The following GTF3C1 variants were observed in gnomAD, a reference collection of about 807,000 sequenced individuals.
GTF3C1 encodes the protein general transcription factor 3C polypeptide 1.
Under a neutral mutation model 226.7 loss-of-function variants are expected in GTF3C1, and 57 were observed. The ratio of observed to expected loss-of-function variants is 0.25; its 90% CI spans 0.20 to 0.31. The LOEUF is 0.31. Ranked by LOEUF, GTF3C1 falls within the 10% of genes least tolerant of loss-of-function variation. GTF3C1 has a pLI of 1.00. For missense variants in GTF3C1, 2,217 were observed against 2,776.1 expected, an observed-to-expected ratio of 0.80 and a Z score of 4.53; for synonymous variants, 1,090 against 1,084.8, an observed-to-expected ratio of 1.00 and a Z score of -0.09.
intron 1 of GTF3C1, 95 bp from the exon 2 acceptor site, chr16:27,545,618 A>G: frequency 1.4e-6 from 1 of 717,264 alleles, no homozygotes; most frequent in East Asian, 2.7e-5. Flanking sequence ...CAGAGATCAG[A>G]GAGAAGTGAG....
At chr16:27,518,081 C>T (rs1250765605) in intron 6 of GTF3C1, among the ~76,000 whole-genome samples, 1 of 152,164 alleles carries the variant, frequency 6.6e-6, no homozygotes, top group African/African-American at 2.4e-5. Context: ...AAACGAACCC[C>T]ACGGCAGCTT....
At position 27,549,797 on chromosome 16, in the gene GTF3C1, C is replaced by A. The variant is rs772790755; in HGVS notation, c.94G>T (p.Val32Leu). Residue 32 changes from valine (V) to leucine (L), a missense_variant, in exon 1 of 37, where the codon GTG becomes TTG. By Grantham distance (32) the Val-to-Leu change is conservative. Coordinates refer to ENST00000356183, the MANE Select transcript of GTF3C1 (RefSeq NM_001520.4). ...PALWSRLETRVPPFPLPLEPC... is the reference protein window; with the variant it reads ...PALWSRLETRLPPFPLPLEPC... The stretch of plus-strand genomic sequence containing the variant: ...TCCAAAGGCAGCGGGAAGGGCGGCA[C>A]TCGCGTCTCCAGCCGGCTCCACAGC... 1 of 1,612,992 alleles carries A rather than the reference C, an allele frequency of 6.2e-7. No homozygotes were observed. Among genetic ancestry groups the A allele is most frequent in the Non-Finnish European group, 8.5e-7 (1 of 1,179,850 alleles).
chr16:27,521,201 C>T (rs1441400645), intron 6 of GTF3C1, among the ~76,000 whole-genome samples: 1 of 152,224 alleles, frequency 6.6e-6, no homozygotes, highest in Non-Finnish European at 1.5e-5. Flanking sequence ...GCTGCCAGGC[C>T]CTCACCCTGT....
chr16:27,490,601 A>AC (rs1189758222), intron 19 of GTF3C1, among the ~76,000 whole-genome samples: 1 of 152,198 alleles, frequency 6.6e-6, no homozygotes, highest in Non-Finnish European at 1.5e-5. Context: ...GCCCAAGGTC[A>AC]CCCGTTTGAA....
At chr16:27,468,268 T>C (rs1452628342) in intron 32 of GTF3C1, among the ~76,000 whole-genome samples, 1 of 152,246 alleles carries the variant, frequency 6.6e-6, no homozygotes, top group Admixed American at 6.5e-5. Flanking sequence ...ACATAGAATC[T>C]ACTCCTGGTA....
intron 1 of GTF3C1, among the ~76,000 whole-genome samples, chr16:27,548,001 C>G (rs1362433875): frequency 6.6e-6 from 1 of 152,148 alleles, no homozygotes; most frequent in African/African-American, 2.4e-5. Context: ...TCTTCCCTTG[C>G]TAGTTGACTT....
rs1371566234 is a variant in GTF3C1, at chr16:27,483,037, G to A, written c.4083+7C>T. 2 of 1,613,482 alleles carry A rather than the reference G, an allele frequency of 1.2e-6. No homozygotes were observed. Among genetic ancestry groups the A allele is most frequent in the South Asian group, 1.1e-5 (1 of 91,018 alleles). ...CATACCAAGCCCTACACTCACACAG[G>A]ACCTACCTTTGGGTCATCATAGTCA... On this transcript the variant is annotated splice_region_variant and intron_variant, in intron 26 of 36. Transcript: ENST00000356183.
rs2088357128 is a variant in GTF3C1, at chr16:27,498,647, A to G, written c.2148T>C (p.Asn716=). The part of the protein sequence containing the change: ...AIEQVRFRIS[N]SSTANRVKTS... ...CCACTTGCCTGTTGGCTGTGCTTGA[A>G]TTGGAGATCCGGAAGCGGACCTGCT... is the stretch of plus-strand genomic sequence containing the variant. Residue 716 remains asparagine, a synonymous_variant, in exon 13 of 37, where the codon AAT becomes AAC. Coordinates refer to ENST00000356183, the MANE Select transcript of GTF3C1 (RefSeq NM_001520.4). The G allele has an allele frequency of 1.9e-6, 3 of 1,588,976 alleles. No homozygotes were observed. Among genetic ancestry groups the G allele is most frequent in the Admixed American group, 3.3e-5 (2 of 59,984 alleles).
At chr16:27,527,718 G>C (rs1276905956) in intron 6 of GTF3C1, among the ~76,000 whole-genome samples, 1 of 152,138 alleles carries the variant, frequency 6.6e-6, no homozygotes, top group East Asian at 1.9e-4. Flanking sequence ...AGAATGATAA[G>C]TGGCTGGCAG....
In GTF3C1 at chr16:27,461,422, G is replaced by A; in HGVS notation, c.6258C>T (p.Thr2086=). The change falls in exon 37 of 37, where the codon ACC becomes ACT. Residue 2086 remains threonine, a synonymous_variant. Coordinates refer to ENST00000356183, the MANE Select transcript of GTF3C1 (RefSeq NM_001520.4). The surrounding 1 kb of genome is among the most constrained non-coding windows in gnomAD (Gnocchi z 5.3). ...DESPMAFYEP[T]LDCTLRLGRV... ...GGCCCAGCCGGAGGGTACAGTCCAAGGTGGGCTCATAGAAAGCCATGGGGC... is the reference window on the plus strand; with the variant it reads ...GGCCCAGCCGGAGGGTACAGTCCAAAGTGGGCTCATAGAAAGCCATGGGGC... The A allele has an allele frequency of 6.2e-7, 1 of 1,614,090 alleles. No individual in the cohort carries two copies. The highest frequency in any genetic ancestry group is 8.5e-7 in the Non-Finnish European group (1 of 1,179,950).
intron 24 of GTF3C1, 113 bp from the exon 25 acceptor site, chr16:27,484,466 G>T: frequency 1.4e-6 from 1 of 695,220 alleles, no homozygotes; most frequent in Non-Finnish European, 2.5e-6. Flanking sequence ...CTTCCTCAGA[G>T]AATCCCCACA....
Position 27,464,842 on chromosome 16 carries a change from G to A in GTF3C1, c.5356-6C>T, listed in dbSNP as rs1163652097. 2.7e-6 allele frequency: 4 copies of A among 1,501,582 alleles called. No homozygotes were observed. In the East Asian group the frequency reaches 9.2e-5, roughly 35 times the overall value. 93.0% of individuals were successfully genotyped at this position (1,501,582 alleles called of 1,614,324 possible). A position where few individuals can be genotyped will look rare whatever the true frequency, so the allele number is the denominator to read the frequency against. ...TGATGCTGCTCCAGGAGGGCCTGGG[G>A]AGGCAGGAGACACGCGGGGTCTGTG... On this transcript the variant is annotated splice_region_variant and splice_polypyrimidine_tract_variant and intron_variant, in intron 33 of 36. Transcript: ENST00000356183.
rs1458599433 is a variant in GTF3C1 at position 27,481,136 on chromosome 16, G to A, written c.4139C>T (p.Ser1380Leu). Reference protein sequence around the residue: ...FVEKLKEKFSSALRNSNLEIP... With the variant: ...FVEKLKEKFSLALRNSNLEIP... Reference sequence around the variant, plus strand: ...TTCAAGGTTAGAATTCCTTAGGGCTGAACTGAACTTTTCTTTAAGCTTCTC... The same window carrying A: ...TTCAAGGTTAGAATTCCTTAGGGCTAAACTGAACTTTTCTTTAAGCTTCTC... The change falls in exon 27 of 37, where the codon TCA becomes TTA. Residue 1380 changes from serine to leucine, a missense_variant. Physicochemically the swap from Ser to Leu is moderately radical, Grantham distance 145. This residue lies in a region of GTF3C1 where 546 missense variants were observed against 663.0 expected (regional missense o/e 0.82). Coordinates refer to ENST00000356183, the MANE Select transcript of GTF3C1 (RefSeq NM_001520.4). 1 of 1,614,234 alleles carries A rather than the reference G, an allele frequency of 6.2e-7. No homozygotes were observed. Among genetic ancestry groups the A allele is most frequent in the Admixed American group, 1.7e-5 (1 of 60,034 alleles).
chr16:27,523,251 C>A (rs1596651558), intron 6 of GTF3C1, among the ~76,000 whole-genome samples: 1 of 152,116 alleles, frequency 6.6e-6, no homozygotes, highest in African/African-American at 2.4e-5. Context: ...CAAAACAGAT[C>A]AGTTCAGGGG....
rs114223643 is a variant in GTF3C1 at position 27,540,229 on chromosome 16, A to T, written c.432-1873T>A. Among the ~76,000 whole-genome samples, 1,062 of 152,348 alleles carry T rather than the reference A, an allele frequency of 7.0e-3. 16 individuals are homozygous for T. Among genetic ancestry groups the T allele is most frequent in the African/African-American group, 0.024 (1,008 of 41,568 alleles). ...TCTTCACATTGTTTGACACCTGAAAATAGTATTTTGCTTAAGTCACAGAAG... is the reference window on the plus strand; with the variant it reads ...TCTTCACATTGTTTGACACCTGAAATTAGTATTTTGCTTAAGTCACAGAAG... On this transcript the variant is annotated intron_variant, in intron 2 of 36. Coordinates refer to ENST00000356183, the MANE Select transcript of GTF3C1 (RefSeq NM_001520.4).
rs747530911 is a variant in GTF3C1, at chr16:27,464,607, C to T, written c.5585G>A (p.Arg1862Lys). ...PPSHSPRGTKRRASWASENGE... is the reference protein window; with the variant it reads ...PPSHSPRGTKKRASWASENGE... ...ATTCTCACTGGCCCAGCTGGCGCGC[C>T]TCTTGGTGCCCCGGGGGCTGTGAGA... is the stretch of plus-strand genomic sequence containing the variant. Residue 1862 changes from arginine to lysine, a missense_variant, in exon 34 of 37, where the codon AGG becomes AAG. By Grantham distance (26) the Arg-to-Lys change is conservative. Around this residue, in one of 12 missense-constraint regions of GTF3C1, gnomAD observed 455 missense variants for 441.9 expected, o/e 1.03. Transcript: ENST00000356183. The T allele has an allele frequency of 1.3e-6, 2 of 1,498,904 alleles. No homozygotes were observed. The highest frequency in any genetic ancestry group is 1.8e-6 in the Non-Finnish European group (2 of 1,124,194). The allele number at this position is 1,498,904 out of a possible 1,614,324, so 92.9% of individuals were successfully genotyped here.
intron 15 of GTF3C1, 52 bp from the exon 16 acceptor site, chr16:27,494,960 GGTGAC>G (rs2088293995): frequency 6.6e-7 from 1 of 1,511,844 alleles, no homozygotes; most frequent in African/African-American, 1.4e-5. Flanking sequence ...CAGTCACCAT[GGTGAC>G]ACATGGTAAC....
At chr16:27,483,565 G>A in intron 25 of GTF3C1, 1 of 435,084 alleles carries the variant, frequency 2.3e-6, no homozygotes, top group Middle Eastern at 3.4e-4. Flanking sequence ...TATAAGGAGA[G>A]CCTGACTTGC....
rs2088254180 is a variant in GTF3C1, at chr16:27,492,860, C to G, written c.2877-147G>C. 3 of 641,812 alleles carry G rather than the reference C, an allele frequency of 4.7e-6. No homozygotes were observed. The East Asian group carries it at 8.1e-5, about 17-fold the overall frequency. The allele number at this position is 641,812 out of a possible 1,614,324, so 39.8% of individuals were successfully genotyped here. Reference sequence around the variant, plus strand: ...GGACCAGCCTCAAGCCCACACTGCACTAAGGCCCAGAACTACCCAACCTAA... The same window carrying G: ...GGACCAGCCTCAAGCCCACACTGCAGTAAGGCCCAGAACTACCCAACCTAA... On this transcript the variant is annotated intron_variant, in intron 17 of 36. Coordinates refer to ENST00000356183, the MANE Select transcript of GTF3C1 (RefSeq NM_001520.4). This position sits in a 1 kb window ranked among gnomAD's most constrained non-coding sequence, Gnocchi z 5.0.
Sources: gnomAD v4.1 joint callset for allele counts (sites outside exome capture counted in the v4.1 genomes callset) on GRCh38, gnomAD v4.1.1 for gene constraint, gnomAD v4.1.1 regional missense constraint, Gnocchi (gnomAD v3.1) non-coding constraint, MANE v1.5 for transcripts, NCBI Gene and HGNC (gene_info 2026-07-23, HGNC 2026-07-21) for gene names.